PLD5: variants seen among roughly 807,000 people sequenced by gnomAD.
PLD5 encodes inactive phospholipase D5.
A neutral mutation model predicts 61.1 loss-of-function variants in PLD5; 36 were observed. The observed-to-expected ratio is 0.59, with a 90% confidence interval of 0.45 to 0.78. PLD5 has a LOEUF of 0.78. Ranked by LOEUF, PLD5 falls within the 30% of genes least tolerant of loss-of-function variation. The pLI, the probability that PLD5 is intolerant of heterozygous loss-of-function variation, is 0.00. For synonymous variants in PLD5, 243 were observed against 242.8 expected (o/e 1.00, Z -0.01); for missense variants, 515 against 644.4 (o/e 0.80, Z 2.17).
intron 1 of PLD5, among the ~76,000 whole-genome samples, chr1:242,463,170 T>C (rs905914138): frequency 1.3e-5 from 2 of 152,190 alleles, no homozygotes; most frequent in South Asian, 4.1e-4. Context: ...CCCATTAGGA[T>C]TGGCAATCCA....
At chr1:242,174,684 C>T (rs1443848288) in intron 5 of PLD5, among the ~76,000 whole-genome samples, 3 of 152,068 alleles carry the variant, frequency 2.0e-5, no homozygotes, top group Non-Finnish European at 4.4e-5. Context: ...ATTAAGAAAA[C>T]ATGGCACATA....
intron 1 of PLD5, among the ~76,000 whole-genome samples, chr1:242,374,286 A>G (rs1029474069): frequency 5.3e-5 from 8 of 152,216 alleles, no homozygotes; most frequent in Admixed American, 1.3e-4. Context: ...CAGGAAAAGG[A>G]AAACGGTAGG....
intron 1 of PLD5, among the ~76,000 whole-genome samples, chr1:242,350,329 C>G (rs1026576950): frequency 6.6e-6 from 1 of 152,090 alleles, no homozygotes; most frequent in African/African-American, 2.4e-5. Context: ...TTTTAAAAGT[C>G]TATGTACAGC....
chr1:242,204,386 C>G (rs929597038), intron 5 of PLD5, among the ~76,000 whole-genome samples: 1 of 152,184 alleles, frequency 6.6e-6, no homozygotes, highest in Non-Finnish European at 1.5e-5. Context: ...GCATTCAAGA[C>G]CTTCCTTCAA....
At chr1:242,361,518 C>T (rs1363787757) in intron 1 of PLD5, among the ~76,000 whole-genome samples, 4 of 152,174 alleles carry the variant, frequency 2.6e-5, no homozygotes, top group African/African-American at 9.6e-5. Flanking sequence ...TCAAGGGAAG[C>T]AAGTTTTAAG....
intron 1 of PLD5, among the ~76,000 whole-genome samples, chr1:242,397,036 C>G (rs537797625): frequency 6.6e-6 from 1 of 151,992 alleles, no homozygotes; most frequent in East Asian, 1.9e-4. Flanking sequence ...AGTTTCTATT[C>G]TCTTTTATAT....
At chr1:242,478,210 C>T (rs1359678858) in intron 1 of PLD5, among the ~76,000 whole-genome samples, 1 of 152,168 alleles carries the variant, frequency 6.6e-6, no homozygotes, top group Non-Finnish European at 1.5e-5. Context: ...CACTAATCAC[C>T]ATCAATGGGC....
intron 2 of PLD5, among the ~76,000 whole-genome samples, chr1:242,322,514 G>A (rs1490265643): frequency 6.6e-6 from 1 of 151,970 alleles, no homozygotes; most frequent in Non-Finnish European, 1.5e-5. Context: ...CTTTTTATCA[G>A]CTATATATCT....
chr1:242,469,202 A>G (rs1402474136), intron 1 of PLD5, among the ~76,000 whole-genome samples: 1 of 152,266 alleles, frequency 6.6e-6, no homozygotes, highest in African/African-American at 2.4e-5. Context: ...TTGCTTGTAT[A>G]GATGTTTAAA....
chr1:242,210,863 G>A (rs539844500), intron 5 of PLD5: 1 of 152,314 alleles, frequency 6.6e-6, no homozygotes, highest in East Asian at 1.9e-4. Flanking sequence ...ATACGGATGT[G>A]CGTGAAAACC....
intron 3 of PLD5, 22 bp downstream of exon 3, chr1:242,288,340 A>T: frequency 1.3e-6 from 2 of 1,598,064 alleles, no homozygotes; most frequent in South Asian, 2.3e-5. Flanking sequence ...AAATCATCAC[A>T]CACACAGAGG....
intron 1 of PLD5, among the ~76,000 whole-genome samples, chr1:242,466,913 C>T (rs1455061298): frequency 1.4e-5 from 2 of 144,502 alleles, no homozygotes; most frequent in Non-Finnish European, 3.0e-5. Flanking sequence ...AAAAGTGGAA[C>T]TTATAGAAAT....
intron 3 of PLD5, among the ~76,000 whole-genome samples, chr1:242,271,208 AG>A: frequency 1.6e-4 from 1 of 6,064 alleles, no homozygotes; most frequent in African/African-American, 4.4e-4. Context: ...ACACAGAGAG[AG>A]AGAGAGAGAG....
Position 242,089,407 on chromosome 1 carries a change from T to C in PLD5, c.*447A>G. On this transcript the variant is annotated 3_prime_UTR_variant, in exon 10 of 10. Coordinates refer to ENST00000536534, the MANE Select transcript of PLD5 (RefSeq NM_001372062.1). ...CTGACTGTGTAGGTCTTGGAGACGATTTACAAGAATAAACACTTGGTTTTA... is the reference window on the plus strand; with the variant it reads ...CTGACTGTGTAGGTCTTGGAGACGACTTACAAGAATAAACACTTGGTTTTA... The C allele has an allele frequency of 2.5e-6, 1 of 401,824 alleles. No individual in the cohort carries two copies. The highest frequency in any genetic ancestry group is 4.4e-6 in the Non-Finnish European group (1 of 228,168). The allele number at this position is 401,824 out of a possible 1,614,324, so 24.9% of individuals were successfully genotyped here.
intron 5 of PLD5, among the ~76,000 whole-genome samples, chr1:242,211,529 C>A (rs1186306350): frequency 6.6e-6 from 1 of 152,172 alleles, no homozygotes; most frequent in Non-Finnish European, 1.5e-5. Context: ...TAAATACAAG[C>A]ATTGCCAGCT....
chr1:242,139,505 G>T (rs1028985807), intron 5 of PLD5, among the ~76,000 whole-genome samples: 1 of 151,856 alleles, frequency 6.6e-6, no homozygotes, highest in African/African-American at 2.4e-5. Flanking sequence ...TGTTCAATGG[G>T]CATCGGGGGT....
At chr1:242,220,397 A>T (rs1046613700) in intron 4 of PLD5, among the ~76,000 whole-genome samples, 1 of 152,222 alleles carries the variant, frequency 6.6e-6, no homozygotes, top group African/African-American at 2.4e-5. Context: ...TAGTGACAAG[A>T]CCACGGCTTC....
intron 5 of PLD5, among the ~76,000 whole-genome samples, chr1:242,159,915 T>C (rs951909679): frequency 1.3e-5 from 2 of 152,186 alleles, no homozygotes; most frequent in African/African-American, 4.8e-5. Flanking sequence ...TATTTCTCCT[T>C]GTGTCTATAT....
chr1:242,110,933 G>T (rs914656589), intron 7 of PLD5, among the ~76,000 whole-genome samples: 22 of 152,096 alleles, frequency 1.4e-4, no homozygotes, highest in African/African-American at 5.3e-4. Flanking sequence ...CCTTGTGAAA[G>T]ATATATTTTA....
Sources: gnomAD v4.1 joint callset for allele counts (sites outside exome capture counted in the v4.1 genomes callset) on GRCh38, gnomAD v4.1.1 for gene constraint, MANE v1.5 for transcripts, NCBI Gene and HGNC (gene_info 2026-07-23, HGNC 2026-07-21) for gene names.